Variants in TBCD observed in about 807,000 individuals in gnomAD.
The protein encoded by TBCD is tubulin folding cofactor D.
TBCD carries 105 observed loss-of-function variants against 169.3 expected under a neutral mutation model. The ratio of observed to expected loss-of-function variants is 0.62; its 90% CI spans 0.53 to 0.73. TBCD has a LOEUF of 0.73. TBCD is among the 30% of genes least tolerant of loss of function. The pLI, the probability that TBCD is intolerant of heterozygous loss-of-function variation, is 0.00. For missense variants in TBCD, 1,444 were observed against 1,600.1 expected, an observed-to-expected ratio of 0.90 and a Z score of 1.66; for synonymous variants, 700 against 643.9, an observed-to-expected ratio of 1.09 and a Z score of -1.32.
intron 2 of TBCD, 80 bp downstream of exon 2, chr17:82,756,295 A>G (rs1036344363): frequency 1.4e-6 from 2 of 1,400,020 alleles, no homozygotes; most frequent in African/African-American, 1.4e-5. Flanking sequence ...TGGCACATGC[A>G]TGTGCTTTGC....
chr17:82,937,940 C>T (rs1440406223), intron 35 of TBCD, 109 bp from the exon 36 acceptor site: 4 of 1,548,632 alleles, frequency 2.6e-6, no homozygotes, highest in South Asian at 1.2e-5. Flanking sequence ...GCACTGTGCT[C>T]ACGGATCTGC....
At chr17:82,826,406 G>A (rs1460507304) in intron 13 of TBCD, among the ~76,000 whole-genome samples, 1 of 152,080 alleles carries the variant, frequency 6.6e-6, no homozygotes, top group African/African-American at 2.4e-5. Context: ...ATCTTTTGAT[G>A]AGTCAGGCTT....
intron 13 of TBCD, among the ~76,000 whole-genome samples, chr17:82,843,562 C>A (rs1422858525): frequency 1.5e-5 from 2 of 133,278 alleles, no homozygotes; most frequent in Admixed American, 7.5e-5. Flanking sequence ...CCTTCCCCTC[C>A]CCGTCCAGCT....
At chr17:82,873,696 G>A (rs1333122444) in intron 14 of TBCD, among the ~76,000 whole-genome samples, 2 of 152,152 alleles carry the variant, frequency 1.3e-5, no homozygotes, top group African/African-American at 4.8e-5. Flanking sequence ...CTGCCGATGC[G>A]CGGGGAGCCT....
At chr17:82,768,738 G>C (rs1198884236) in intron 5 of TBCD, among the ~76,000 whole-genome samples, 172 bp downstream of exon 5, 1 of 152,156 alleles carries the variant, frequency 6.6e-6, no homozygotes, top group Non-Finnish European at 1.5e-5. Flanking sequence ...AATTCATGTA[G>C]GGGTCAGGTT....
chr17:82,929,270 A>G lies in TBCD; in HGVS notation c.2851A>G (p.Arg951Gly). ...HRGELEKLFP[R>G]SDVASVNWSA... ...AGGAGAACTGGAAAAGCTGTTTCCC[A>G]GGTACTGTCGGGGTGTAGGCCCCCC... The change falls in exon 31 of 39, where the codon AGG (arginine) becomes GGG (glycine). Residue 951 changes from arginine (R) to glycine (G), a missense_variant and splice_region_variant. Transcript: ENST00000355528. 4.3e-6 allele frequency: 7 copies of G among 1,613,410 alleles called. No homozygotes were observed. The highest frequency in any genetic ancestry group is 5.9e-6 in the Non-Finnish European group (7 of 1,179,620).
intron 38 of TBCD, 95 bp from the exon 39 acceptor site, chr17:82,942,354 G>C: frequency 6.4e-7 from 1 of 1,566,724 alleles, no homozygotes; most frequent in Non-Finnish European, 8.8e-7. Context: ...AACCGTGTCA[G>C]TCCCCACACA....
intron 23 of TBCD, among the ~76,000 whole-genome samples, chr17:82,912,722 C>T (rs995629649): frequency 6.6e-6 from 1 of 152,216 alleles, no homozygotes; most frequent in South Asian, 2.1e-4. Flanking sequence ...GCTGTACCAG[C>T]CTCTTGTGCT....
At chr17:82,876,166 G>C in intron 14 of TBCD, among the ~76,000 whole-genome samples, 1 of 152,186 alleles carries the variant, frequency 6.6e-6, no homozygotes, top group South Asian at 2.1e-4. Flanking sequence ...CCGAAAATGA[G>C]GTGCCTGGAG....
chr17:82,810,682 G>A (rs1333762192), intron 12 of TBCD, among the ~76,000 whole-genome samples: 2 of 152,228 alleles, frequency 1.3e-5, no homozygotes, highest in Non-Finnish European at 2.9e-5. Context: ...TTGTGTAAAT[G>A]TCTCTCCCAG....
chr17:82,797,927 C>T (rs1026157387), intron 8 of TBCD, 125 bp downstream of exon 8: 9 of 293,218 alleles, frequency 3.1e-5, no homozygotes, highest in Non-Finnish European at 4.3e-5. Flanking sequence ...TGGACACTAT[C>T]GTTCTTTTTT....
intron 13 of TBCD, among the ~76,000 whole-genome samples, chr17:82,843,393 C>T (rs528966595): frequency 7.3e-6 from 1 of 137,690 alleles, no homozygotes; most frequent in South Asian, 2.6e-4. Flanking sequence ...ATTCCCTTCC[C>T]CTCCCCGTCC....
At chr17:82,863,122 C>T (rs1599021971) in intron 13 of TBCD, among the ~76,000 whole-genome samples, 1 of 152,318 alleles carries the variant, frequency 6.6e-6, no homozygotes, top group Non-Finnish European at 1.5e-5. Flanking sequence ...TTTCCAGTAG[C>T]CCAGGGACCA....
intron 12 of TBCD, among the ~76,000 whole-genome samples, chr17:82,812,306 G>A (rs1211763993): frequency 6.6e-6 from 1 of 152,212 alleles, no homozygotes; most frequent in Non-Finnish European, 1.5e-5. Flanking sequence ...ACGGCACTAC[G>A]CTGTGCCTCC....
rs1010705815 is a variant in TBCD at position 82,873,798 on chromosome 17, C to A, written c.1475+3418C>A. On this transcript the variant is annotated intron_variant, in intron 14 of 38. Coordinates refer to ENST00000355528, the MANE Select transcript of TBCD (RefSeq NM_005993.5). ...GTGCTTCATGGAGGTTGGCGCCGCTCGGTGGCCTGCTCGCTTATTCTTAGG... is the reference window on the plus strand; with the variant it reads ...GTGCTTCATGGAGGTTGGCGCCGCTAGGTGGCCTGCTCGCTTATTCTTAGG... Among the ~76,000 whole-genome samples, 5 of 152,186 alleles carry A rather than the reference C, an allele frequency of 3.3e-5. No individual in the cohort carries two copies. The East Asian group carries it at 9.6e-4, about 29-fold the overall frequency.
At chr17:82,811,085 C>A (rs1394179692) in intron 12 of TBCD, among the ~76,000 whole-genome samples, 1 of 152,186 alleles carries the variant, frequency 6.6e-6, no homozygotes, top group Admixed American at 6.5e-5. Flanking sequence ...GAGGGTGCTA[C>A]GTGCTTGGCT....
At chr17:82,933,047 G>A (rs1367823340) in intron 34 of TBCD, among the ~76,000 whole-genome samples, 1 of 152,046 alleles carries the variant, frequency 6.6e-6, no homozygotes, top group Non-Finnish European at 1.5e-5. Flanking sequence ...GGGTTGTGCT[G>A]GGAGCCGCAG....
chr17:82,929,350 A>T lies in TBCD; in HGVS notation c.2853-12A>T. ...TTGGCAGCCCGGCCTTGTCTCACTC[A>T]CTCTCTTGCAGGTCCGATGTGGCCT... On this transcript the variant is annotated splice_polypyrimidine_tract_variant and intron_variant, in intron 31 of 38. Transcript: ENST00000355528. 1 of 1,610,308 alleles carries T rather than the reference A, an allele frequency of 6.2e-7. No homozygotes were observed. The highest frequency in any genetic ancestry group is 8.5e-7 in the Non-Finnish European group (1 of 1,177,716).
intron 14 of TBCD, among the ~76,000 whole-genome samples, chr17:82,875,417 AAAAG>A (rs1395963233): frequency 6.6e-6 from 1 of 152,228 alleles, no homozygotes; most frequent in Non-Finnish European, 1.5e-5. Context: ...TGCAAGAAGG[AAAAG>A]AAAGCCGAGC....
Sources: allele counts gnomAD v4.1 joint callset (sites outside exome capture counted in the v4.1 genomes callset), GRCh38; gene constraint gnomAD v4.1.1; transcripts MANE v1.5; gene names NCBI Gene and HGNC (gene_info 2026-07-23, HGNC 2026-07-21).